The following SPATA7 variants were observed in gnomAD, a reference collection of about 807,000 sequenced individuals.
The protein encoded by SPATA7 is spermatogenesis associated 7.
Under a neutral mutation model 51.8 loss-of-function variants are expected in SPATA7, and 43 were observed. That is an observed-to-expected ratio of 0.83 (90% CI 0.65 to 1.07). SPATA7 has a LOEUF of 1.07. SPATA7 is among the 50% of genes least tolerant of loss of function. The pLI, the probability that SPATA7 is intolerant of heterozygous loss-of-function variation, is 0.00. For missense variants in SPATA7, 683 were observed against 701.3 expected, an observed-to-expected ratio of 0.97 and a Z score of 0.30; for synonymous variants, 230 against 252.8, an observed-to-expected ratio of 0.91 and a Z score of 0.86.
At chr14:88,467,865 A>T (rs921347589) in intron 4 of SPATA7, 1 of 419,216 alleles carries the variant, frequency 2.4e-6, no homozygotes, top group Admixed American at 4.6e-5. Flanking sequence ...AATCTCCAAA[A>T]TGTGTGCAAG....
chr14:88,444,157 C>G (rs1465025656), intron 3 of SPATA7, among the ~76,000 whole-genome samples: 1 of 151,856 alleles, frequency 6.6e-6, no homozygotes, highest in African/African-American at 2.4e-5. Context: ...TGTTTCCTGA[C>G]TTTTTAATGA....
rs1399124457 is a variant in SPATA7 at position 88,425,963 on chromosome 14, T to C, written c.373-269T>C. On this transcript the variant is annotated intron_variant, in intron 5 of 11. Coordinates refer to ENST00000393545, the MANE Select transcript of SPATA7 (RefSeq NM_018418.5). ...CTCCCAATAAATCTTAATATGCAAG[T>C]TGAAGATCCCAAATATAGATATGTT... Among the ~76,000 whole-genome samples the C allele has an allele frequency of 7.2e-5, 11 of 152,214 alleles. No individual in the cohort carries two copies. The East Asian group carries it at 2.1e-3, about 29-fold the overall frequency.
At chr14:88,468,219 A>G in intron 4 of SPATA7, 1 of 1,610,984 alleles carries the variant, frequency 6.2e-7, no homozygotes, top group Non-Finnish European at 8.5e-7. Flanking sequence ...CACCAGCATC[A>G]TTCTCTGTTG....
At chr14:88,398,036 C>T (rs1034074958) in intron 4 of SPATA7, among the ~76,000 whole-genome samples, 6 of 151,114 alleles carry the variant, frequency 4.0e-5, no homozygotes, top group African/African-American at 7.3e-5. Context: ...GAGCAGAGAT[C>T]GCATCACTGC....
intron 11 of SPATA7, 73 bp from the exon 12 acceptor site, chr14:88,437,765 G>T: frequency 1.4e-6 from 2 of 1,448,552 alleles, no homozygotes; most frequent in Non-Finnish European, 1.9e-6. Context: ...AATCCTGTGA[G>T]ATTTTCAGCA....
chr14:88,386,114 C>A, intron 1 of SPATA7: 2 of 1,191,614 alleles, frequency 1.7e-6, no homozygotes, highest in Non-Finnish European at 2.3e-6. Context: ...CCTTTAAAAC[C>A]TCAGTAGCTC....
At chr14:88,466,951 T>G (rs1319681743) in intron 4 of SPATA7, 1 of 152,174 alleles carries the variant, frequency 6.6e-6, no homozygotes, top group Non-Finnish European at 1.5e-5. Flanking sequence ...TGAATTTATT[T>G]ATGAAAAAGA....
intron 4 of SPATA7, among the ~76,000 whole-genome samples, chr14:88,464,048 C>T (rs2140065342): frequency 6.6e-6 from 1 of 152,020 alleles, no homozygotes; most frequent in South Asian, 2.1e-4. Context: ...ACCATGTTGG[C>T]CAGGCTGGTC....
chr14:88,434,415 A>G (rs951797753), intron 10 of SPATA7, among the ~76,000 whole-genome samples: 35 of 152,298 alleles, frequency 2.3e-4, no homozygotes, highest in African/African-American at 5.5e-4. Context: ...GGCTGGGCGC[A>G]GTGGCTCACA....
At chr14:88,391,560 T>C (rs1008976989) in intron 2 of SPATA7, 105 bp downstream of exon 2, 3 of 901,100 alleles carry the variant, frequency 3.3e-6, no homozygotes, top group Non-Finnish European at 5.4e-6. Flanking sequence ...ATTTGACGAA[T>C]ATTTGAACTT....
chr14:88,434,916 A>G (rs2077044510), intron 10 of SPATA7, among the ~76,000 whole-genome samples: 1 of 152,214 alleles, frequency 6.6e-6, no homozygotes, highest in Admixed American at 6.5e-5. Flanking sequence ...GTTGGTTCAT[A>G]ACTTCACTGA....
chr14:88,385,781 T>A lies in SPATA7; in HGVS notation c.-38T>A. The A allele has an allele frequency of 6.3e-7, 1 of 1,585,972 alleles. No individual in the cohort carries two copies. The highest frequency in any genetic ancestry group is 2.3e-5 in the East Asian group (1 of 44,318). Reference sequence around the variant, plus strand: ...CGGCCGCGGGAAGGACCGAAGGGGATACAGCGTGTCCCTGCGGCGGCTGCA... The same window carrying A: ...CGGCCGCGGGAAGGACCGAAGGGGAAACAGCGTGTCCCTGCGGCGGCTGCA... On this transcript the variant is annotated 5_prime_UTR_variant, in exon 1 of 12. Transcript: ENST00000393545.
chr14:88,426,224 GT>G lies in SPATA7; in HGVS notation c.373-6del, dbSNP rs746324730. 1 of 1,604,676 alleles carries G rather than the reference GT, an allele frequency of 6.2e-7. No individual in the cohort carries two copies. The highest frequency in any genetic ancestry group is 2.2e-5 in the East Asian group (1 of 44,740). ...GCAGTTGATGACTGTCATATCGAAT[GT>G]TCTTAGCCCTCAGGCGAACCGCAAA... is the stretch of plus-strand genomic sequence containing the variant. On this transcript the variant is annotated splice_region_variant and splice_polypyrimidine_tract_variant and intron_variant, in intron 5 of 11. Transcript: ENST00000393545.
At chr14:88,424,076 C>T (rs1038233118) in intron 5 of SPATA7, among the ~76,000 whole-genome samples, 8 of 152,140 alleles carry the variant, frequency 5.3e-5, no homozygotes, top group Admixed American at 1.3e-4. Flanking sequence ...TAAGAATAAC[C>T]TAAGAAAGTG....
intron 4 of SPATA7, chr14:88,416,286 T>C (rs1277912092): frequency 1.9e-5 from 3 of 160,680 alleles, no homozygotes; most frequent in Non-Finnish European, 2.7e-5. Flanking sequence ...TAGTATTTGG[T>C]GATTACATAG....
At chr14:88,470,136 A>C in exon 5 of SPATA7, 1 of 1,408,032 alleles carries the variant, frequency 7.1e-7, no homozygotes, top group Non-Finnish European at 9.7e-7. Context: ...GTACTAAAAA[A>C]GTTTTTTTAA....
At chr14:88,409,003 G>A (rs1031151513) in intron 4 of SPATA7, among the ~76,000 whole-genome samples, 4 of 152,152 alleles carry the variant, frequency 2.6e-5, no homozygotes, top group African/African-American at 4.8e-5. Flanking sequence ...TGCTGGATTC[G>A]ATTTGCTGGT....
intron 5 of SPATA7, among the ~76,000 whole-genome samples, chr14:88,417,303 G>T (rs1258780902): frequency 2.6e-5 from 2 of 77,520 alleles, no homozygotes; most frequent in African/African-American, 6.5e-5. Context: ...TAATCTGTGG[G>T]GTTTTTTTTT....
rs183510165 is a variant in SPATA7, at chr14:88,470,347, G to T, written c.*480G>T. 2.7e-4 allele frequency: 94 copies of T among 353,912 alleles called. No homozygotes were observed. In the East Asian group the frequency reaches 6.0e-3, roughly 23 times the overall value. 21.9% of individuals were successfully genotyped at this position (353,912 alleles called of 1,614,324 possible). On this transcript the variant is annotated 3_prime_UTR_variant, in exon 5 of 5. Coordinates refer to the SPATA7 transcript ENST00000556406. ...TTATACAATAAAGATACTGCCTACC[G>T]TCATAGGGTCATTGTGAGGACTGAG...
Sources: allele counts gnomAD v4.1 joint callset (sites outside exome capture counted in the v4.1 genomes callset), GRCh38; gene constraint gnomAD v4.1.1; transcripts MANE v1.5; gene names NCBI Gene and HGNC (gene_info 2026-07-23, HGNC 2026-07-21).